PPP1R9A: variants seen among roughly 807,000 people sequenced by gnomAD.
PPP1R9A encodes the protein protein phosphatase 1 regulatory subunit 9A.
Under a neutral mutation model 141.9 loss-of-function variants are expected in PPP1R9A, and 59 were observed. The ratio of observed to expected loss-of-function variants is 0.42; its 90% CI spans 0.34 to 0.52. PPP1R9A has a LOEUF of 0.52. Ranked by LOEUF, PPP1R9A falls within the 20% of genes least tolerant of loss-of-function variation. The pLI, the probability that PPP1R9A is intolerant of heterozygous loss-of-function variation, is 0.10. For synonymous variants in PPP1R9A, 500 were observed against 569.7 expected (o/e 0.88, Z 1.74); for missense variants, 1,444 against 1,611.9 (o/e 0.90, Z 1.78).
At chr7:94,959,012 A>G (rs1379512172) in intron 2 of PPP1R9A, among the ~76,000 whole-genome samples, 2 of 152,014 alleles carry the variant, frequency 1.3e-5, no homozygotes, top group African/African-American at 4.8e-5. Context: ...TAAAATTTTC[A>G]TTTATATCCA....
chr7:95,233,896 T>C (rs565842265), intron 8 of PPP1R9A, among the ~76,000 whole-genome samples: 144 of 152,304 alleles, frequency 9.5e-4, no homozygotes, highest in Non-Finnish European at 1.8e-3. Context: ...ATAAATGTGA[T>C]ACATCACATA....
chr7:95,115,027 A>T (rs890444373), intron 3 of PPP1R9A, among the ~76,000 whole-genome samples: 2 of 152,106 alleles, frequency 1.3e-5, no homozygotes, highest in Non-Finnish European at 2.9e-5. Context: ...AGGAAAAGTA[A>T]ACCAAATAAA....
At chr7:95,176,461 TC>T in intron 5 of PPP1R9A, 1 of 147,846 alleles carries the variant, frequency 6.8e-6, no homozygotes, top group Non-Finnish European at 1.5e-5. Context: ...ACACCGCCCC[TC>T]CCCCCCAGAA....
chr7:95,063,747 A>T (rs992675907), intron 2 of PPP1R9A, among the ~76,000 whole-genome samples: 1 of 152,206 alleles, frequency 6.6e-6, no homozygotes, highest in Non-Finnish European at 1.5e-5. Flanking sequence ...ATGAATGTGG[A>T]TGATTCTCAT....
At chr7:94,977,404 A>G (rs1563072489) in intron 2 of PPP1R9A, among the ~76,000 whole-genome samples, 2 of 152,194 alleles carry the variant, frequency 1.3e-5, no homozygotes, top group African/African-American at 2.4e-5. Flanking sequence ...AGCCAAGTTA[A>G]GAAACATGTT....
intron 2 of PPP1R9A, among the ~76,000 whole-genome samples, chr7:94,994,394 G>A (rs553115938): frequency 7.2e-5 from 11 of 152,032 alleles, no homozygotes; most frequent in Non-Finnish European, 1.5e-4. Flanking sequence ...CCAAGATGCC[G>A]TATTTTGGGA....
intron 2 of PPP1R9A, among the ~76,000 whole-genome samples, chr7:94,970,052 G>A (rs924331145): frequency 2.0e-5 from 3 of 152,190 alleles, no homozygotes; most frequent in Non-Finnish European, 4.4e-5. Flanking sequence ...GGCAACGAGA[G>A]TTTCAAGCCA....
In PPP1R9A at chr7:95,295,974, AAG is replaced by A. The variant is rs1387817145; in HGVS notation, c.*5675_*5676del. 6.5e-6 allele frequency: 1 copy of A among 152,688 alleles called. No individual in the cohort carries two copies. The highest frequency in any genetic ancestry group is 2.4e-5 in the African/African-American group (1 of 41,464). 9.5% of individuals were successfully genotyped at this position (152,688 alleles called of 1,614,324 possible). ...GACAAAACTGGGCAGCTGAAAATAAAAGAGAATAAATTCTATTCCACTGTAAG... is the reference window on the plus strand; with the variant it reads ...GACAAAACTGGGCAGCTGAAAATAAAAGAATAAATTCTATTCCACTGTAAG... On this transcript the variant is annotated 3_prime_UTR_variant, in exon 20 of 20. Transcript: ENST00000433360.
At chr7:95,158,250 T>G (rs1442729425) in intron 4 of PPP1R9A, among the ~76,000 whole-genome samples, 2 of 152,212 alleles carry the variant, frequency 1.3e-5, no homozygotes, top group Non-Finnish European at 2.9e-5. Flanking sequence ...GGCCAGTTGT[T>G]TATACATTTG....
At chr7:95,128,901 A>T (rs901034424) in intron 4 of PPP1R9A, among the ~76,000 whole-genome samples, 11 of 152,170 alleles carry the variant, frequency 7.2e-5, no homozygotes, top group African/African-American at 1.9e-4. Flanking sequence ...TCTTTTGAAG[A>T]CTTAGTCATA....
chr7:94,918,992 A>C (rs909764498), intron 2 of PPP1R9A, among the ~76,000 whole-genome samples: 15 of 152,190 alleles, frequency 9.9e-5, no homozygotes, highest in Non-Finnish European at 1.6e-4. Flanking sequence ...AAGAAGAATG[A>C]AATGTATAAC....
chr7:95,110,450 T>C (rs943215769), intron 2 of PPP1R9A, among the ~76,000 whole-genome samples: 2 of 152,196 alleles, frequency 1.3e-5, no homozygotes, highest in African/African-American at 4.8e-5. Context: ...CTGTTATGTA[T>C]ATTAATTGGA....
intron 2 of PPP1R9A, among the ~76,000 whole-genome samples, chr7:95,041,092 G>A (rs1809162497): frequency 6.6e-6 from 1 of 152,156 alleles, no homozygotes; most frequent in African/African-American, 2.4e-5. Flanking sequence ...TACAGTTTGG[G>A]AAATGCTGGG....
intron 2 of PPP1R9A, among the ~76,000 whole-genome samples, chr7:94,993,484 G>T (rs1228506916): frequency 6.6e-6 from 1 of 152,112 alleles, no homozygotes; most frequent in Non-Finnish European, 1.5e-5. Context: ...GAATCAATTT[G>T]GGGAGAATTG....
At chr7:95,242,956 G>T (rs530458753) in intron 8 of PPP1R9A, among the ~76,000 whole-genome samples, 1 of 152,184 alleles carries the variant, frequency 6.6e-6, no homozygotes, top group African/African-American at 2.4e-5. Flanking sequence ...TCTTGGACCT[G>T]TACTTTGAAA....
intron 5 of PPP1R9A, among the ~76,000 whole-genome samples, chr7:95,177,167 T>A (rs1833024371): frequency 6.6e-6 from 1 of 152,142 alleles, no homozygotes; most frequent in Non-Finnish European, 1.5e-5. Flanking sequence ...AATGGCAGAC[T>A]TCTCAGCAGA....
rs1206980362 is a variant in PPP1R9A, at chr7:95,294,202, T to C, written c.*3899T>C. ...TCAAATTTACTTTTTATTAAGGATG[T>C]ACCTGTGCACTATTCTAAAGCTAAG... is the stretch of plus-strand genomic sequence containing the variant. On this transcript the variant is annotated 3_prime_UTR_variant, in exon 20 of 20. Transcript: ENST00000433360. The C allele has an allele frequency of 6.6e-6, 1 of 152,118 alleles. No individual in the cohort carries two copies. Among genetic ancestry groups the C allele is most frequent in the African/African-American group, 2.4e-5 (1 of 41,422 alleles). 9.4% of individuals were successfully genotyped at this position (152,118 alleles called of 1,614,324 possible).
intron 2 of PPP1R9A, among the ~76,000 whole-genome samples, chr7:95,029,488 C>G (rs2151800825): frequency 6.6e-6 from 1 of 152,258 alleles, no homozygotes; most frequent in South Asian, 2.1e-4. Flanking sequence ...TGTGCAATTA[C>G]ATAGAATGTA....
Position 95,268,696 on chromosome 7 carries a change from C to T in PPP1R9A, c.2812C>T (p.Leu938=). 2 of 1,612,840 alleles carry T rather than the reference C, an allele frequency of 1.2e-6. No homozygotes were observed. Among genetic ancestry groups the T allele is most frequent in the Non-Finnish European group, 1.7e-6 (2 of 1,179,150 alleles). Residue 938 remains leucine (L), a synonymous_variant, in exon 13 of 20, where the codon CTA becomes TTA. Transcript: ENST00000433360. The part of the protein sequence containing the change: ...SVSSTDGEDS[L]ERKPSNSFYN... The stretch of plus-strand genomic sequence containing the variant: ...TAGTTCCACAGATGGGGAGGACAGT[C>T]TAGAGAGAAAGGTGAGCACCCTTGA...
Sources: gnomAD v4.1 joint callset for allele counts (sites outside exome capture counted in the v4.1 genomes callset) on GRCh38, gnomAD v4.1.1 for gene constraint, MANE v1.5 for transcripts, NCBI Gene and HGNC (gene_info 2026-07-23, HGNC 2026-07-21) for gene names.